The following POLE variants were observed in gnomAD, a reference collection of about 807,000 sequenced individuals.
POLE encodes the protein DNA polymerase epsilon catalytic subunit A.
Under a neutral mutation model 279.2 loss-of-function variants are expected in POLE, and 188 were observed. That is an observed-to-expected ratio of 0.67 (90% CI 0.60 to 0.76). The LOEUF (loss-of-function observed/expected upper bound fraction) is 0.76. Among genes scored for constraint, POLE ranks in the 30% least tolerant of loss-of-function variants. The pLI is 0.00. For missense variants in POLE, 2,703 were observed against 3,016.7 expected, an observed-to-expected ratio of 0.90 and a Z score of 2.44; for synonymous variants, 1,214 against 1,172.5, an observed-to-expected ratio of 1.04 and a Z score of -0.72.
chr12:132,680,617 C>T lies in POLE; in HGVS notation c.275G>A (p.Ser92Asn), dbSNP rs752586205. ...CAGTCAGGGGCTTACCTTAAATCTGCTTCCGTCATCTTGAATAAAGTAGTA... is the reference window on the plus strand; with the variant it reads ...CAGTCAGGGGCTTACCTTAAATCTGTTTCCGTCATCTTGAATAAAGTAGTA... ...VDYYFIQDDG[S>N]RFKVALPYKP... The change falls in exon 3 of 49, where the codon AGC becomes AAC. Residue 92 changes from serine to asparagine, a missense_variant. Transcript: ENST00000320574. 1.2e-5 allele frequency: 19 copies of T among 1,613,480 alleles called. No homozygotes were observed. The South Asian group carries it at 1.8e-4, about 15-fold the overall frequency.
chr12:132,648,791 A>G (rs932839642), intron 32 of POLE, 138 bp downstream of exon 32: 119 of 925,048 alleles, frequency 1.3e-4, no homozygotes, highest in Non-Finnish European at 1.9e-4. Flanking sequence ...CTCAGCGCTC[A>G]CACACGTTGT....
chr12:132,634,335 T>C lies in POLE; in HGVS notation c.5855A>G (p.Asn1952Ser), dbSNP rs1268315584. The C allele has an allele frequency of 6.2e-7, 1 of 1,614,030 alleles. No individual in the cohort carries two copies. The highest frequency in any genetic ancestry group is 8.5e-7 in the Non-Finnish European group (1 of 1,179,900). Residue 1952 changes from asparagine to serine, a missense_variant, in exon 43 of 49, where the codon AAT (asparagine) becomes AGT (serine). Coordinates refer to ENST00000320574, the MANE Select transcript of POLE (RefSeq NM_006231.4). This position sits in a 1 kb window ranked among gnomAD's most constrained non-coding sequence, Gnocchi z 4.0. ...KAGGAEDEQE[N>S]EDDEEERDGE... is the part of the protein sequence containing the mutation. ...ATCTCTTTCCTCCTCATCGTCCTCA[T>C]TTTCCTGCTCATCCTCTGCTCCCCC...
chr12:132,625,548 C>A, intron 47 of POLE, 97 bp downstream of exon 47: 3 of 1,474,616 alleles, frequency 2.0e-6, no homozygotes, highest in Non-Finnish European at 2.8e-6. Flanking sequence ...GACACCAGGG[C>A]GTGCCTCAGG....
rs775739929 is a variant in POLE at position 132,675,539 on chromosome 12, C to T, written c.1107-22G>A. 3.0e-5 allele frequency: 49 copies of T among 1,613,488 alleles called. No homozygotes were observed. Among genetic ancestry groups the T allele is most frequent in the Non-Finnish European group, 3.9e-5 (46 of 1,179,780 alleles). On this transcript the variant is annotated intron_variant, in intron 11 of 48. Coordinates refer to ENST00000320574, the MANE Select transcript of POLE (RefSeq NM_006231.4). The surrounding 1 kb of genome is among the most constrained non-coding windows in gnomAD (Gnocchi z 4.3). The stretch of plus-strand genomic sequence containing the variant: ...TGGCCTGGGTTGGAAAGAGGACAGA[C>T]AAGCAAGTGGGCAGGTCAGGCTCTA...
rs115786159 is a variant in POLE at position 132,677,367 on chromosome 12, C to T, written c.797G>A (p.Arg266Gln). Residue 266 changes from arginine to glutamine, a missense_variant, in exon 8 of 49, where the codon CGA becomes CAA. Transcript: ENST00000320574. Reference sequence around the variant, plus strand: ...GGTAACACAAGCAAAACTTACAGGTCGTTCAACAAGGTCATCTCGGCGGGT... The same window carrying T: ...GGTAACACAAGCAAAACTTACAGGTTGTTCAACAAGGTCATCTCGGCGGGT... ...EITRRDDLVE[R>Q]PDPVVLAFDI... is the part of the protein sequence containing the mutation. 22 of 1,613,106 alleles carry T rather than the reference C, an allele frequency of 1.4e-5. No individual in the cohort carries two copies. The highest frequency in any genetic ancestry group is 6.7e-5 in the East Asian group (3 of 44,886).
Position 132,634,912 on chromosome 12 carries a change from T to C in POLE, c.5812-534A>G, listed in dbSNP as rs149061842. Among the ~76,000 whole-genome samples the C allele has an allele frequency of 1.2e-4, 18 of 152,282 alleles. No homozygotes were observed. In the East Asian group the frequency reaches 2.7e-3, roughly 23 times the overall value. ...ACCCTCCCACTTTGTTCTGAATCCC[T>C]TCAATCAGGGTTTATCCCCCAACTC... On this transcript the variant is annotated intron_variant, in intron 42 of 48. Transcript: ENST00000320574. The surrounding 1 kb of genome is among the most constrained non-coding windows in gnomAD (Gnocchi z 4.0).
chr12:132,670,094 G>A (rs867238006), intron 16 of POLE, among the ~76,000 whole-genome samples: 4 of 151,950 alleles, frequency 2.6e-5, no homozygotes, highest in South Asian at 2.1e-4. Flanking sequence ...CTTCTAGGTC[G>A]GGCGCGGTGG....
chr12:132,687,290 C>G lies in POLE; in HGVS notation c.26G>C (p.Arg9Pro). 1.3e-6 allele frequency: 2 copies of G among 1,503,756 alleles called. No individual in the cohort carries two copies. The highest frequency in any genetic ancestry group is 1.8e-6 in the Non-Finnish European group (2 of 1,128,174). The allele number at this position is 1,503,756 out of a possible 1,614,324, so 93.2% of individuals were successfully genotyped here. ...GCCATCCGCGCCTGGGTCCGCGCGC[C>G]GCCGCCCGCCGCTCCTCAGAGACAT... MSLRSGGR[R>P]RADPGADGEA... is the part of the protein sequence containing the mutation. The change falls in exon 1 of 49, where the codon CGG (arginine) becomes CCG (proline). Residue 9 changes from arginine (R) to proline (P), a missense_variant. Transcript: ENST00000320574.
chr12:132,648,726 T>A (rs541085230), intron 32 of POLE: 2 of 532,658 alleles, frequency 3.8e-6, no homozygotes, highest in South Asian at 6.1e-5. Context: ...AAGCTCATCG[T>A]GACAAGGACA....
At chr12:132,640,896 A>G in intron 39 of POLE, 1 of 436,964 alleles carries the variant, frequency 2.3e-6, no homozygotes, top group South Asian at 1.6e-5. Context: ...TCTTTCCACC[A>G]GTCCTCTCCC....
At position 132,679,658 on chromosome 12, in the gene POLE, T is replaced by C. The variant is rs1593085377; in HGVS notation, c.424-7A>G. On this transcript the variant is annotated splice_region_variant and splice_polypyrimidine_tract_variant and intron_variant, in intron 5 of 48. Coordinates refer to ENST00000320574, the MANE Select transcript of POLE (RefSeq NM_006231.4). ...AACCCACCAAGTGATTTGGCTATAA[T>C]GCGAAGAGATCACGCTCATTGGTTC... is the stretch of plus-strand genomic sequence containing the variant. 1.9e-6 allele frequency: 3 copies of C among 1,605,390 alleles called. No homozygotes were observed. Among genetic ancestry groups the C allele is most frequent in the East Asian group, 2.2e-5 (1 of 44,598 alleles).
intron 31 of POLE, 104 bp downstream of exon 31, chr12:132,649,202 G>C (rs1189127037): frequency 1.3e-6 from 2 of 1,493,276 alleles, no homozygotes; most frequent in Non-Finnish European, 1.8e-6. Context: ...GGAAACTCCA[G>C]GCCCACTCTA....
intron 10 of POLE, 62 bp downstream of exon 10, chr12:132,676,032 A>C: frequency 1.7e-6 from 2 of 1,155,538 alleles, no homozygotes; most frequent in South Asian, 1.3e-5. Flanking sequence ...GAGGCCTTGG[A>C]AAGATCCACA....
rs878854875 is a variant in POLE at position 132,642,955 on chromosome 12, T to C, written c.4593A>G (p.Ser1531=). The part of the protein sequence containing the change: ...NQMPSLGALY[S]AEHGLLLEKV... ...TCTCCAGGAGGAGGCCGTGCTCTGC[T>C]GAGTACAGGGCGCCAAGGCTGGGCA... The change falls in exon 36 of 49, where the codon TCA becomes TCG. Residue 1531 remains serine (S), a synonymous_variant. Transcript: ENST00000320574. The C allele has an allele frequency of 1.9e-6, 3 of 1,609,318 alleles. No individual in the cohort carries two copies. Among genetic ancestry groups the C allele is most frequent in the Non-Finnish European group, 2.5e-6 (3 of 1,178,586 alleles).
At chr12:132,669,960 C>T (rs1442405373) in intron 16 of POLE, among the ~76,000 whole-genome samples, 2 of 152,116 alleles carry the variant, frequency 1.3e-5, no homozygotes, top group African/African-American at 4.8e-5. Context: ...GGGAGCCTGG[C>T]GTCCTCACAT....
Position 132,657,123 on chromosome 12 carries a change from G to A in POLE, c.3582+13C>T, listed in dbSNP as rs1207712710. 1.2e-6 allele frequency: 2 copies of A among 1,613,598 alleles called. No homozygotes were observed. The highest frequency in any genetic ancestry group is 1.7e-5 in the Admixed American group (1 of 59,982). ...GGATCCCGCCCAGCCCAGCCTTGGG[G>A]CCCCACCGTCACCTGTCTCCTGCCC... On this transcript the variant is annotated intron_variant, in intron 29 of 48. Coordinates refer to ENST00000320574, the MANE Select transcript of POLE (RefSeq NM_006231.4).
chr12:132,654,809 T>C (rs1331565248), intron 29 of POLE, among the ~76,000 whole-genome samples: 1 of 152,222 alleles, frequency 6.6e-6, no homozygotes, highest in Non-Finnish European at 1.5e-5. Context: ...AAGAAAAAGA[T>C]GTGACTATTT....
chr12:132,638,246 A>G (rs2042074507), intron 40 of POLE, 107 bp from the exon 41 acceptor site: 1 of 1,003,510 alleles, frequency 1.0e-6, no homozygotes. Context: ...TGAAGCAGAA[A>G]AGCCTCCGAG....
chr12:132,669,401 C>A (rs2042873194), intron 16 of POLE, among the ~76,000 whole-genome samples: 1 of 151,740 alleles, frequency 6.6e-6, no homozygotes, highest in Non-Finnish European at 1.5e-5. Context: ...GAGGTCAAGG[C>A]TGTAGTGAGC....
Sources: gnomAD v4.1 joint callset for allele counts (sites outside exome capture counted in the v4.1 genomes callset) on GRCh38, gnomAD v4.1.1 for gene constraint, Gnocchi (gnomAD v3.1) non-coding constraint, MANE v1.5 for transcripts, NCBI Gene and HGNC (gene_info 2026-07-23, HGNC 2026-07-21) for gene names.